Variants in SNX29 observed in about 807,000 individuals in gnomAD.
SNX29 encodes sorting nexin-29.
A neutral mutation model predicts 102.1 loss-of-function variants in SNX29; 78 were observed. The observed-to-expected ratio is 0.76, with a 90% CI of 0.64 to 0.92. SNX29 has a LOEUF of 0.92. Ranked by LOEUF, SNX29 falls within the 40% of genes least tolerant of loss-of-function variation. The pLI, the probability that SNX29 is intolerant of heterozygous loss-of-function variation, is 0.00. For missense variants in SNX29, 1,280 were observed against 1,061.7 expected, an observed-to-expected ratio of 1.21 and a Z score of -2.86; for synonymous variants, 580 against 414.5, an observed-to-expected ratio of 1.40 and a Z score of -4.85.
intron 19 of SNX29, among the ~76,000 whole-genome samples, chr16:12,500,761 A>G (rs957476147): frequency 2.0e-5 from 3 of 152,240 alleles, no homozygotes; most frequent in Non-Finnish European, 2.9e-5. Flanking sequence ...GAGAATCTGC[A>G]TGTTCACAGG....
chr16:12,033,641 C>T (rs1162042367), intron 4 of SNX29, among the ~76,000 whole-genome samples: 3 of 144,904 alleles, frequency 2.1e-5, no homozygotes, highest in African/African-American at 7.7e-5. Context: ...GGAGTCTGAT[C>T]TGTTGCCCAT....
At chr16:12,554,644 C>G (rs2078209624) in intron 20 of SNX29, among the ~76,000 whole-genome samples, 1 of 152,234 alleles carries the variant, frequency 6.6e-6, no homozygotes, top group Admixed American at 6.5e-5. Flanking sequence ...CCCCAGGTTT[C>G]ACCAGTTTGT....
chr16:12,278,072 A>T (rs932532948), intron 15 of SNX29, 36 bp downstream of exon 15: 1 of 1,550,228 alleles, frequency 6.5e-7, no homozygotes, highest in Non-Finnish European at 8.8e-7. Context: ...TTTGTTTCTG[A>T]TGTTGGCTGC....
chr16:12,541,772 T>C (rs2077353693), intron 20 of SNX29, among the ~76,000 whole-genome samples: 1 of 152,140 alleles, frequency 6.6e-6, no homozygotes, highest in African/African-American at 2.4e-5. Context: ...CTGACCTGCG[T>C]TTCCAACCCC....
At chr16:12,552,121 C>A (rs146249583) in intron 20 of SNX29, among the ~76,000 whole-genome samples, 1 of 152,200 alleles carries the variant, frequency 6.6e-6, no homozygotes, top group Non-Finnish European at 1.5e-5. Flanking sequence ...ATGGCTGATA[C>A]GGAAATGCCT....
Position 12,565,692 on chromosome 16 carries a change from G to A in SNX29, c.2319-2814G>A, listed in dbSNP as rs150648520. On this transcript the variant is annotated intron_variant, in intron 20 of 20. Transcript: ENST00000566228. ...GTCCCGAGCTAACCCTGCCTTCCAGGAAGGGGAAGCAGCTGGGCCGGGTCT... is the reference window on the plus strand; with the variant it reads ...GTCCCGAGCTAACCCTGCCTTCCAGAAAGGGGAAGCAGCTGGGCCGGGTCT... Among the ~76,000 whole-genome samples, 542 of 152,000 alleles carry A rather than the reference G, an allele frequency of 3.6e-3. 2 individuals are homozygous for A. Among genetic ancestry groups the A allele is most frequent in the African/African-American group, 0.012 (513 of 41,268 alleles).
intron 14 of SNX29, among the ~76,000 whole-genome samples, chr16:12,256,670 T>C (rs1012626797): frequency 1.3e-5 from 2 of 152,134 alleles, no homozygotes; most frequent in African/African-American, 4.8e-5. Context: ...CATTCAGCAG[T>C]TGTTTATGAA....
At chr16:12,549,711 GGA>G (rs1555453518) in intron 20 of SNX29, among the ~76,000 whole-genome samples, 1 of 152,230 alleles carries the variant, frequency 6.6e-6, no homozygotes, top group Non-Finnish European at 1.5e-5. Flanking sequence ...CTTGGGGCCA[GGA>G]GAGTCACCCT....
chr16:12,354,279 T>C (rs949376701), intron 15 of SNX29, among the ~76,000 whole-genome samples: 2 of 152,188 alleles, frequency 1.3e-5, no homozygotes, highest in Non-Finnish European at 2.9e-5. Flanking sequence ...ACATCATAGT[T>C]TTAATGGTTG....
At chr16:12,562,811 T>G (rs986368966) in intron 20 of SNX29, among the ~76,000 whole-genome samples, 1 of 152,190 alleles carries the variant, frequency 6.6e-6, no homozygotes, top group Non-Finnish European at 1.5e-5. Flanking sequence ...AACAACTCCT[T>G]TCCCCCCAAA....
chr16:12,538,815 G>A (rs1341631057), intron 20 of SNX29, among the ~76,000 whole-genome samples: 1 of 152,212 alleles, frequency 6.6e-6, no homozygotes, highest in Non-Finnish European at 1.5e-5. Context: ...ACCAGAGTCA[G>A]TGGGAGGGCA....
rs55784743 is a variant in SNX29 at position 12,105,203 on chromosome 16, T to TCCTC, written c.1403-21406_1403-21403dup. 9.6e-3 allele frequency among the ~76,000 whole-genome samples: 1,370 copies of TCCTC among 143,126 alleles called. 12 individuals carry two copies. The highest frequency in any genetic ancestry group is 0.02 in the South Asian group (82 of 4,180). 93.9% of individuals were successfully genotyped at this position (143,126 alleles called of 152,430 possible). A position where few individuals can be genotyped will look rare whatever the true frequency, so the allele number is the denominator to read the frequency against. Reference sequence around the variant, plus strand: ...TAATTTATTTCCTTCCTTCCTCCCTTCCTCCCTCCCTCCCTCCCTCCCTCC... The same window carrying TCCTC: ...TAATTTATTTCCTTCCTTCCTCCCTTCCTCCCTCCCTCCCTCCCTCCCTCCCTCC... On this transcript the variant is annotated intron_variant, in intron 11 of 20. Coordinates refer to ENST00000566228, the MANE Select transcript of SNX29 (RefSeq NM_032167.5).
chr16:12,417,135 CA>C (rs1248560452), intron 18 of SNX29, among the ~76,000 whole-genome samples: 1 of 152,230 alleles, frequency 6.6e-6, no homozygotes, highest in African/African-American at 2.4e-5. Context: ...ATGAGACAAT[CA>C]GGGGCGGTTT....
In SNX29 at chr16:12,027,310, T is replaced by G; in HGVS notation, c.123-10T>G. The G allele has an allele frequency of 1.2e-6, 2 of 1,613,430 alleles. No individual in the cohort carries two copies. The highest frequency in any genetic ancestry group is 2.7e-5 in the African/African-American group (2 of 75,014). On this transcript the variant is annotated splice_polypyrimidine_tract_variant and intron_variant, in intron 3 of 20. Transcript: ENST00000566228. ...CTGGGGGGACTGATGAGTCATTGGT[T>G]TTCTCACAGGGTCACCTGTCTGTGT...
intron 18 of SNX29, among the ~76,000 whole-genome samples, chr16:12,477,394 C>G (rs2151819240): frequency 6.6e-6 from 1 of 152,346 alleles, no homozygotes; most frequent in East Asian, 1.9e-4. Context: ...CACCAGCACG[C>G]TGTTAGTGCT....
At chr16:12,013,500 A>AAAAAAAAAAAATATAT in intron 3 of SNX29, among the ~76,000 whole-genome samples, 12 of 31,628 alleles carry the variant, frequency 3.8e-4, no homozygotes, top group Non-Finnish European at 6.8e-4. Flanking sequence ...AAAAAAAAAA[A>AAAAAAAAAAAATATAT]ATATATATAT....
At chr16:12,139,193 TAAAAAAAA>T (rs34808071) in intron 13 of SNX29, among the ~76,000 whole-genome samples, 15 of 66,134 alleles carry the variant, frequency 2.3e-4, no homozygotes, top group African/African-American at 1.0e-3. Flanking sequence ...AGCGAGACTC[TAAAAAAAA>T]AAAAAAAAAA....
intron 19 of SNX29, among the ~76,000 whole-genome samples, chr16:12,518,365 C>T (rs912326723): frequency 1.3e-5 from 2 of 152,214 alleles, no homozygotes; most frequent in Non-Finnish European, 2.9e-5. Flanking sequence ...ACACCGGCTG[C>T]CTCCTGTTCC....
chr16:12,218,940 A>T (rs928066400), intron 14 of SNX29, among the ~76,000 whole-genome samples: 2 of 152,016 alleles, frequency 1.3e-5, no homozygotes, highest in Admixed American at 6.6e-5. Context: ...AGTCCTGGCT[A>T]ATTTTTTGTA....
Sources: allele counts gnomAD v4.1 joint callset (sites outside exome capture counted in the v4.1 genomes callset), GRCh38; gene constraint gnomAD v4.1.1; transcripts MANE v1.5; gene names NCBI Gene and HGNC (gene_info 2026-07-23, HGNC 2026-07-21).